Variants in URB1 observed in about 807,000 individuals in gnomAD.
URB1 encodes nucleolar pre-ribosomal-associated protein 1.
URB1 carries 197 observed loss-of-function variants against 242.3 expected under a neutral mutation model. The observed-to-expected ratio is 0.81, with a 90% CI of 0.72 to 0.91. The LOEUF (loss-of-function observed/expected upper bound fraction) is 0.91, where lower values mean the gene tolerates loss of function less well. Ranked by LOEUF, URB1 falls within the 40% of genes least tolerant of loss-of-function variation. URB1 has a pLI of 0.00. For synonymous variants in URB1, 1,153 were observed against 1,201.8 expected (o/e 0.96, Z 0.84); for missense variants, 2,721 against 2,860.5 (o/e 0.95, Z 1.11).
intron 24 of URB1, among the ~76,000 whole-genome samples, chr21:32,343,048 G>A (rs1442791092): frequency 6.6e-6 from 1 of 151,910 alleles, no homozygotes; most frequent in Non-Finnish European, 1.5e-5. Context: ...AAAAGACCAG[G>A]CTACACACAG....
chr21:32,386,062 T>C (rs897273393), intron 1 of URB1, among the ~76,000 whole-genome samples: 125 of 151,584 alleles, frequency 8.2e-4, no homozygotes, highest in African/African-American at 2.9e-3. Context: ...TGAGGCAGAA[T>C]TGTGTGAACT....
chr21:32,356,165 G>A (rs1279788953), intron 15 of URB1, among the ~76,000 whole-genome samples: 3 of 152,208 alleles, frequency 2.0e-5, no homozygotes, highest in Admixed American at 6.5e-5. Context: ...AGAATTGCTT[G>A]AGCTCAGGAG....
chr21:32,361,175 G>GAAAGAAAGAAAGAAAC, intron 12 of URB1, 52 bp from the exon 13 acceptor site: 2 of 717,616 alleles, frequency 2.8e-6, no homozygotes, highest in East Asian at 3.0e-5. Context: ...AAGAAAGAAA[G>GAAAGAAAGAAAGAAAC]AAAGAAAGAA....
At chr21:32,322,612 T>A in intron 32 of URB1, 28 bp from the exon 33 acceptor site, 1 of 1,525,056 alleles carries the variant, frequency 6.6e-7, no homozygotes, top group Non-Finnish European at 8.9e-7. Context: ...CAGTCAGTCA[T>A]GGCAGGCCCC....
intron 4 of URB1, among the ~76,000 whole-genome samples, chr21:32,381,851 C>G (rs1033621381): frequency 6.6e-6 from 1 of 152,202 alleles, no homozygotes; most frequent in Non-Finnish European, 1.5e-5. Flanking sequence ...TGAAGCTGGA[C>G]AGCTGGTACA....
chr21:32,316,460 C>T lies in URB1; in HGVS notation c.6634+6G>A, dbSNP rs553719917. On this transcript the variant is annotated splice_donor_region_variant and intron_variant, in intron 38 of 38. Coordinates refer to ENST00000382751, the MANE Select transcript of URB1 (RefSeq NM_014825.3). ...CTTCAGCCTCCAACAAAAGAACCAG[C>T]CTTACCTTGTGTGGCTTCATCCTTC... 4.6e-6 allele frequency: 7 copies of T among 1,506,670 alleles called. No individual in the cohort carries two copies. The South Asian group carries it at 9.2e-5, about 20-fold the overall frequency. The allele number at this position is 1,506,670 out of a possible 1,614,324, so 93.3% of individuals were successfully genotyped here.
In URB1 at chr21:32,347,074, C is replaced by A. The variant is rs1177081781; in HGVS notation, c.3750G>T (p.Gln1250His). The change falls in exon 22 of 39, where the codon CAG (glutamine) becomes CAT (histidine). Residue 1250 changes from glutamine to histidine, a missense_variant. Transcript: ENST00000382751. ...ESCTHLLWFE[Q>H]WCLQAGPGLG... ...GCCCTGGGCCAGCCTGCAGGCACCA[C>A]TGCTCGAACCACAGCAAGTGGGTGC... is the stretch of plus-strand genomic sequence containing the variant. The A allele has an allele frequency of 9.7e-6, 15 of 1,550,662 alleles. No individual in the cohort carries two copies. Among genetic ancestry groups the A allele is most frequent in the Non-Finnish European group, 1.3e-5 (15 of 1,146,712 alleles).
Position 32,314,793 on chromosome 21 carries a change from CCA to C in URB1, c.*123_*124del, listed in dbSNP as rs2123534507. 2.8e-6 allele frequency: 4 copies of C among 1,448,932 alleles called. No individual in the cohort carries two copies. The highest frequency in any genetic ancestry group is 3.8e-6 in the Non-Finnish European group (4 of 1,064,438). 89.8% of individuals were successfully genotyped at this position (1,448,932 alleles called of 1,614,324 possible). ...CAACTTTTCTTGTCAAAGAACTGAG[CCA>C]ATGTACTGAACCTGTTGTTTCCCAT... On this transcript the variant is annotated 3_prime_UTR_variant, in exon 39 of 39. Coordinates refer to ENST00000382751, the MANE Select transcript of URB1 (RefSeq NM_014825.3).
intron 22 of URB1, among the ~76,000 whole-genome samples, chr21:32,346,089 C>T (rs2123577257): frequency 6.6e-6 from 1 of 152,218 alleles, no homozygotes; most frequent in South Asian, 2.1e-4. Flanking sequence ...TCTGGCTCAC[C>T]CTATTAGTTC....
intron 11 of URB1, among the ~76,000 whole-genome samples, chr21:32,362,754 T>C (rs2033303137): frequency 6.6e-6 from 1 of 152,162 alleles, no homozygotes; most frequent in African/African-American, 2.4e-5. Context: ...CCTGAGCCAC[T>C]GCATCCCTTC....
chr21:32,329,674 C>A (rs1237183776), intron 30 of URB1, among the ~76,000 whole-genome samples: 1 of 152,192 alleles, frequency 6.6e-6, no homozygotes, highest in Non-Finnish European at 1.5e-5. Context: ...CAGCAAAGGG[C>A]TGAAAACGGA....
rs370428207 is a variant in URB1 at position 32,352,573 on chromosome 21, T to C, written c.2613+137A>G. On this transcript the variant is annotated intron_variant, in intron 19 of 38. Coordinates refer to ENST00000382751, the MANE Select transcript of URB1 (RefSeq NM_014825.3). The stretch of plus-strand genomic sequence containing the variant: ...GGATACTACTTAGCTTCCTCTCTTA[T>C]GCAGGGGACTTTAGGGTAAGAAATT... 1.3e-4 allele frequency: 125 copies of C among 962,206 alleles called. No individual in the cohort carries two copies. The African/African-American group carries it at 1.7e-3, about 13-fold the overall frequency. The allele number at this position is 962,206 out of a possible 1,614,324, so 59.6% of individuals were successfully genotyped here.
chr21:32,385,784 C>T lies in URB1; in HGVS notation c.143-100G>A, dbSNP rs150891291. The T allele has an allele frequency of 1.4e-3, 1,963 of 1,419,874 alleles. 10 individuals carry two copies. Among genetic ancestry groups the T allele is most frequent in the African/African-American group, 0.01 (735 of 70,264 alleles). 88.0% of individuals were successfully genotyped at this position (1,419,874 alleles called of 1,614,324 possible). ...GCTTTCCCTATTCTGTGACCTTCCC[C>T]GATCCACCTACACTGCACAGAAGCT... On this transcript the variant is annotated intron_variant, in intron 1 of 38. Transcript: ENST00000382751.
rs536691717 is a variant in URB1 at position 32,362,115 on chromosome 21, G to C, written c.1510-94C>G. 325 of 1,463,848 alleles carry C rather than the reference G, an allele frequency of 2.2e-4. 5 individuals are homozygous for C. In the South Asian group the frequency reaches 4.0e-3, roughly 18 times the overall value. The allele number at this position is 1,463,848 out of a possible 1,614,324, so 90.7% of individuals were successfully genotyped here. On this transcript the variant is annotated intron_variant, in intron 11 of 38. Coordinates refer to ENST00000382751, the MANE Select transcript of URB1 (RefSeq NM_014825.3). ...ATTAACAAGATGCAAAAAACAGGGA[G>C]GGGGGTGCGAGTCTAGAGGAGTGCG...
At chr21:32,321,638 A>G (rs1180727296) in intron 34 of URB1, among the ~76,000 whole-genome samples, 163 bp downstream of exon 34, 1 of 152,232 alleles carries the variant, frequency 6.6e-6, no homozygotes, top group Non-Finnish European at 1.5e-5. Flanking sequence ...TGCAGGGAAC[A>G]GGACAGGCGC....
At chr21:32,351,804 T>A (rs976801685) in intron 19 of URB1, among the ~76,000 whole-genome samples, 6 of 152,226 alleles carry the variant, frequency 3.9e-5, no homozygotes, top group Non-Finnish European at 8.8e-5. Flanking sequence ...TGGCTATCAC[T>A]GTGGCCTACG....
chr21:32,372,967 A>C (rs1257577861), intron 7 of URB1, among the ~76,000 whole-genome samples: 2 of 152,210 alleles, frequency 1.3e-5, no homozygotes, highest in African/African-American at 4.8e-5. Flanking sequence ...AACATGTTCA[A>C]AACAAGAGGA....
rs772050472 is a variant in URB1, at chr21:32,314,663, G to T, written c.*255C>A. The T allele has an allele frequency of 6.2e-7, 1 of 1,610,018 alleles. No individual in the cohort carries two copies. Among genetic ancestry groups the T allele is most frequent in the South Asian group, 1.1e-5 (1 of 91,002 alleles). The stretch of plus-strand genomic sequence containing the variant: ...GGAAGGGGCGGCCTGACGAGGCACT[G>T]GATGGGCCTCATGGCCTAGAAGTCC... On this transcript the variant is annotated 3_prime_UTR_variant, in exon 39 of 39. Coordinates refer to ENST00000382751, the MANE Select transcript of URB1 (RefSeq NM_014825.3).
chr21:32,353,442 T>C (rs79015787), intron 18 of URB1, among the ~76,000 whole-genome samples: 2 of 152,312 alleles, frequency 1.3e-5, no homozygotes, highest in African/African-American at 2.4e-5. Context: ...TGGCCTGTAT[T>C]GGACCACAGC....
Sources: allele counts gnomAD v4.1 joint callset (sites outside exome capture counted in the v4.1 genomes callset), GRCh38; gene constraint gnomAD v4.1.1; transcripts MANE v1.5; gene names NCBI Gene and HGNC (gene_info 2026-07-23, HGNC 2026-07-21).